Variants in EML1 observed in about 807,000 individuals in gnomAD.
The protein encoded by EML1 is echinoderm microtubule-associated protein-like 1.
Under a neutral mutation model 110.4 loss-of-function variants are expected in EML1, and 27 were observed. The observed-to-expected ratio is 0.24, with a 90% CI of 0.18 to 0.34. The LOEUF (loss-of-function observed/expected upper bound fraction) is 0.34. Among genes scored for constraint, EML1 ranks in the 10% least tolerant of loss-of-function variants. The pLI is 1.00. For synonymous variants in EML1, 344 were observed against 385.8 expected (o/e 0.89, Z 1.27); for missense variants, 741 against 1,030.9 (o/e 0.72, Z 3.85).
intron 17 of EML1, among the ~76,000 whole-genome samples, chr14:99,924,354 CCTT>C (rs1302392446): frequency 5.9e-5 from 9 of 152,276 alleles, no homozygotes; most frequent in African/African-American, 1.7e-4. Context: ...ACAGGGGCTA[CCTT>C]CCAAGACCCC....
At chr14:99,789,123 G>T (rs1030427614), upstream of EML1, among the ~76,000 whole-genome samples, 6 of 152,156 alleles carry the variant, frequency 3.9e-5, no homozygotes, top group African/African-American at 1.4e-4. Context: ...ATGAACATGG[G>T]TGTATGAATA....
intron 1 of EML1, among the ~76,000 whole-genome samples, chr14:99,798,895 T>C (rs977204280): frequency 3.3e-5 from 5 of 152,352 alleles, no homozygotes; most frequent in African/African-American, 1.2e-4. Context: ...AACACCATTA[T>C]AATCTGTGTT....
intron 1 of EML1, among the ~76,000 whole-genome samples, chr14:99,844,717 TC>T (rs2058681965): frequency 6.6e-6 from 1 of 152,202 alleles, no homozygotes; most frequent in African/African-American, 2.4e-5. Flanking sequence ...CAACCACTGA[TC>T]CATTCTCCTT....
chr14:99,762,244 T>C (rs1389958470), intron 1 of EML1, among the ~76,000 whole-genome samples: 1 of 152,080 alleles, frequency 6.6e-6, no homozygotes, highest in East Asian at 1.9e-4. Context: ...GTTTTTTTCA[T>C]AAACTTCAAA....
intron 1 of EML1, among the ~76,000 whole-genome samples, chr14:99,764,553 C>G (rs1395042087): frequency 6.6e-6 from 1 of 152,240 alleles, no homozygotes; most frequent in Non-Finnish European, 1.5e-5. Flanking sequence ...CAGCAGCGAG[C>G]TCTGTACATT....
At chr14:99,783,067 T>C (rs917662612) in intron 1 of EML1, among the ~76,000 whole-genome samples, 2 of 152,018 alleles carry the variant, frequency 1.3e-5, no homozygotes, top group African/African-American at 2.4e-5. Flanking sequence ...TATGTATACA[T>C]GTGCCATGTT....
chr14:99,826,105 ATTTTTTT>A (rs71113225), intron 1 of EML1, among the ~76,000 whole-genome samples: 9 of 79,968 alleles, frequency 1.1e-4, no homozygotes, highest in Admixed American at 5.0e-4. Context: ...CTGTGCATTG[ATTTTTTT>A]TTTTTTTTTT....
Position 99,859,522 on chromosome 14 carries a change from T to C in EML1, c.251-5992T>C, listed in dbSNP as rs149680555. Reference sequence around the variant, plus strand: ...TTAAGGAACATTTTTGAGCAAAGGCTTTCCTTTATGGGTAAGGAAAATTGG... The same window carrying C: ...TTAAGGAACATTTTTGAGCAAAGGCCTTCCTTTATGGGTAAGGAAAATTGG... On this transcript the variant is annotated intron_variant, in intron 2 of 21. Coordinates refer to ENST00000262233, the MANE Select transcript of EML1 (RefSeq NM_004434.3). 1.4e-3 allele frequency among the ~76,000 whole-genome samples: 215 copies of C among 152,304 alleles called. 2 individuals carry two copies. The highest frequency in any genetic ancestry group is 0.013 in the South Asian group (61 of 4,824).
chr14:99,902,733 T>C (rs57853044), intron 9 of EML1, among the ~76,000 whole-genome samples: 84,342 of 151,578 alleles, frequency 0.56, 23,860 homozygotes, highest in African/African-American at 0.67. Context: ...AGGTTTATAT[T>C]CTCAAATACC....
intron 17 of EML1, among the ~76,000 whole-genome samples, chr14:99,932,240 G>A (rs935181578): frequency 7.2e-5 from 11 of 152,216 alleles, no homozygotes; most frequent in East Asian, 3.9e-4. Flanking sequence ...CATGAAGACC[G>A]TGGATTAGAA....
chr14:99,896,614 C>A (rs978948030), intron 6 of EML1, among the ~76,000 whole-genome samples: 4 of 152,086 alleles, frequency 2.6e-5, no homozygotes, highest in Admixed American at 2.6e-4. Context: ...GGCATCTTGC[C>A]GGGTTACTTT....
intron 13 of EML1, among the ~76,000 whole-genome samples, chr14:99,912,079 G>A (rs1001285728): frequency 1.3e-5 from 2 of 151,124 alleles, no homozygotes; most frequent in Non-Finnish European, 3.0e-5. Context: ...TAATTTTGTA[G>A]AGATGTTGCC....
At chr14:99,929,767 C>G (rs2060332493) in intron 17 of EML1, among the ~76,000 whole-genome samples, 1 of 152,224 alleles carries the variant, frequency 6.6e-6, no homozygotes, top group Non-Finnish European at 1.5e-5. Flanking sequence ...CATGGAATTT[C>G]AGAAACCTGC....
chr14:99,778,616 C>T (rs11623091), intron 1 of EML1, among the ~76,000 whole-genome samples: 19,578 of 152,126 alleles, frequency 0.13, 1,501 homozygotes, highest in East Asian at 0.37. Context: ...GCAACTCCCT[C>T]GTTTTGGTGA....
chr14:99,799,314 A>T (rs1024554289), intron 1 of EML1, among the ~76,000 whole-genome samples: 1 of 152,232 alleles, frequency 6.6e-6, no homozygotes, highest in Non-Finnish European at 1.5e-5. Flanking sequence ...ACATCTTTTG[A>T]CATCTCTAAT....
intron 1 of EML1, among the ~76,000 whole-genome samples, chr14:99,747,494 A>G (rs116316185): frequency 0.017 from 2,545 of 152,138 alleles, 77 homozygotes; most frequent in African/African-American, 0.059. Flanking sequence ...TCGGTTGCCC[A>G]GTTGGGGGGT....
intron 4 of EML1, among the ~76,000 whole-genome samples, chr14:99,882,649 TAAAAA>T (rs199622855): frequency 0.56 from 71,137 of 127,788 alleles, 19,427 homozygotes; most frequent in East Asian, 0.86. Flanking sequence ...GCTGATGAGC[TAAAAA>T]AAAAAAAAAA....
intron 1 of EML1, among the ~76,000 whole-genome samples, chr14:99,760,432 G>A (rs184736210): frequency 1.1e-3 from 162 of 152,278 alleles, no homozygotes; most frequent in African/African-American, 3.7e-3. Context: ...TAACAACTGC[G>A]GAACATGGAG....
intron 1 of EML1, among the ~76,000 whole-genome samples, chr14:99,786,886 T>C (rs946646257): frequency 6.6e-6 from 1 of 152,272 alleles, no homozygotes; most frequent in Admixed American, 6.5e-5. Context: ...CAGGCTACTG[T>C]TGCAATGTTC....
Sources: allele counts gnomAD v4.1 joint callset (sites outside exome capture counted in the v4.1 genomes callset), GRCh38; gene constraint gnomAD v4.1.1; transcripts MANE v1.5; gene names NCBI Gene and HGNC (gene_info 2026-07-23, HGNC 2026-07-21).